The following UNC13C variants were observed in gnomAD, a reference collection of about 807,000 sequenced individuals.
UNC13C encodes the protein unc-13 homolog C, also known as protein unc-13 homolog C.
UNC13C carries 174 observed loss-of-function variants against 245.4 expected under a neutral mutation model. The ratio of observed to expected loss-of-function variants is 0.71; its 90% CI spans 0.63 to 0.80. The LOEUF is 0.80. Ranked by LOEUF, UNC13C falls within the 30% of genes least tolerant of loss-of-function variation. The probability of loss-of-function intolerance (pLI) is 0.00; values close to 1 mark genes in which losing one functional copy is unlikely to be tolerated. For missense variants in UNC13C, 2,829 were observed against 2,602.9 expected, an observed-to-expected ratio of 1.09 and a Z score of -1.89; for synonymous variants, 992 against 895.1, an observed-to-expected ratio of 1.11 and a Z score of -1.93.
intron 10 of UNC13C, among the ~76,000 whole-genome samples, chr15:54,277,706 C>A (rs566649540): frequency 8.5e-5 from 13 of 152,238 alleles, no homozygotes; most frequent in African/African-American, 3.1e-4. Context: ...TAATTTTAAG[C>A]AATTATTTGT....
upstream of UNC13C, among the ~76,000 whole-genome samples, chr15:53,973,345 A>T (rs187322676): frequency 1.6e-4 from 24 of 152,308 alleles, no homozygotes; most frequent in East Asian, 4.6e-3. Flanking sequence ...ATAAGTATAT[A>T]CTATCTAAGT....
chr15:54,292,518 A>G (rs541602874), intron 10 of UNC13C, among the ~76,000 whole-genome samples: 147 of 152,074 alleles, frequency 9.7e-4, no homozygotes, highest in Middle Eastern at 3.4e-3. Context: ...TTATTCTTGT[A>G]TGTGCTGTAT....
At chr15:54,055,475 C>T (rs1176341580) in intron 2 of UNC13C, among the ~76,000 whole-genome samples, 1 of 152,128 alleles carries the variant, frequency 6.6e-6, no homozygotes. Flanking sequence ...ACAAAACAAG[C>T]AAGTGCTATT....
At chr15:54,285,237 T>C (rs2037111404) in intron 10 of UNC13C, among the ~76,000 whole-genome samples, 1 of 152,138 alleles carries the variant, frequency 6.6e-6, no homozygotes. Context: ...TATGAGAGAA[T>C]TTAAAGTGTT....
intron 1 of UNC13C, among the ~76,000 whole-genome samples, chr15:53,984,423 C>T (rs111613139): frequency 2.8e-4 from 42 of 152,148 alleles, no homozygotes; most frequent in African/African-American, 1.0e-3. Context: ...CAGTTAAAAC[C>T]TATATTTTTG....
At chr15:54,155,986 A>G (rs1272752644) in intron 4 of UNC13C, among the ~76,000 whole-genome samples, 1 of 152,240 alleles carries the variant, frequency 6.6e-6, no homozygotes, top group Non-Finnish European at 1.5e-5. Context: ...ATGCCTGACC[A>G]AAGATACTAA....
chr15:54,577,558 C>G (rs775601575), intron 30 of UNC13C, among the ~76,000 whole-genome samples: 11 of 152,144 alleles, frequency 7.2e-5, no homozygotes, highest in Non-Finnish European at 1.3e-4. Context: ...AGACTACGTT[C>G]AGATATTCCT....
At chr15:54,516,329 G>T (rs1222488929) in intron 24 of UNC13C, among the ~76,000 whole-genome samples, 2 of 152,136 alleles carry the variant, frequency 1.3e-5, no homozygotes, top group African/African-American at 2.4e-5. Flanking sequence ...ACTTCAGCAC[G>T]CATCAGAACT....
downstream of UNC13C, chr15:54,629,277 G>A (rs983158854): frequency 1.3e-4 from 20 of 152,180 alleles, no homozygotes; most frequent in African/African-American, 4.3e-4. Context: ...AGACACTGTG[G>A]CCTACTTGAG....
chr15:54,334,351 G>T (rs2038518624), intron 16 of UNC13C, among the ~76,000 whole-genome samples: 1 of 152,036 alleles, frequency 6.6e-6, no homozygotes, highest in African/African-American at 2.4e-5. Context: ...TACAAACCAG[G>T]TATTTCTTTT....
chr15:54,455,164 CCTCTCTCTCTCTCT>C (rs1203605020), intron 19 of UNC13C, among the ~76,000 whole-genome samples: 2 of 17,520 alleles, frequency 1.1e-4, no homozygotes, highest in African/African-American at 3.8e-4. Flanking sequence ...GAGTCATATT[CCTCTCTCTCTCTCT>C]CTCTCTCTCT....
At chr15:54,401,877 G>T (rs902224047) in intron 18 of UNC13C, among the ~76,000 whole-genome samples, 3 of 152,056 alleles carry the variant, frequency 2.0e-5, no homozygotes, top group Non-Finnish European at 2.9e-5. Flanking sequence ...CCAGTACAAT[G>T]TGGTAATGGA....
intron 1 of UNC13C, among the ~76,000 whole-genome samples, chr15:54,011,038 T>C (rs1385092292): frequency 2.0e-5 from 3 of 152,132 alleles, no homozygotes; most frequent in East Asian, 1.9e-4. Context: ...GTTGCTGAAA[T>C]GGTTTTGGAG....
intron 19 of UNC13C, among the ~76,000 whole-genome samples, chr15:54,467,710 G>A (rs963775089): frequency 6.6e-5 from 10 of 151,516 alleles, no homozygotes; most frequent in Admixed American, 4.6e-4. Context: ...CAGATCCCAC[G>A]TCTAGGTGAG....
chr15:54,453,932 C>G (rs1018788169), intron 19 of UNC13C, among the ~76,000 whole-genome samples: 2 of 151,848 alleles, frequency 1.3e-5, no homozygotes, highest in African/African-American at 4.8e-5. Context: ...TGTCAGTTTC[C>G]CCCTCCCTCA....
chr15:54,474,330 A>G (rs1324651095), intron 19 of UNC13C, among the ~76,000 whole-genome samples: 1 of 151,932 alleles, frequency 6.6e-6, no homozygotes, highest in African/African-American at 2.4e-5. Context: ...CGTCCTCACC[A>G]GCATCTGCTA....
chr15:54,055,513 G>A lies in UNC13C; in HGVS notation c.2983+39627G>A, dbSNP rs531161403. 2.0e-5 allele frequency among the ~76,000 whole-genome samples: 3 copies of A among 152,206 alleles called. No homozygotes were observed. The East Asian group carries it at 5.8e-4, about 29-fold the overall frequency. On this transcript the variant is annotated intron_variant, in intron 2 of 32. Coordinates refer to ENST00000260323, the MANE Select transcript of UNC13C (RefSeq NM_001080534.3). ...TGTACTGACAACAGAGATTTATTTA[G>A]CCCCTCCAGCTGATCAACTGAGGGA... is the stretch of plus-strand genomic sequence containing the variant.
the UNC13C span, among the ~76,000 whole-genome samples, chr15:53,860,403 A>G: frequency 1.3e-5 from 2 of 152,338 alleles, no homozygotes; most frequent in South Asian, 2.1e-4. Flanking sequence ...TCATTGGTCC[A>G]TCATCCTAGC....
chr15:54,483,466 C>A (rs949963788), intron 19 of UNC13C, among the ~76,000 whole-genome samples: 3 of 152,056 alleles, frequency 2.0e-5, no homozygotes, highest in African/African-American at 4.8e-5. Flanking sequence ...TTTTTAATTT[C>A]TTTTCATGAG....
Sources: gnomAD v4.1 joint callset for allele counts (sites outside exome capture counted in the v4.1 genomes callset) on GRCh38, gnomAD v4.1.1 for gene constraint, MANE v1.5 for transcripts, NCBI Gene and HGNC (gene_info 2026-07-23, HGNC 2026-07-21) for gene names.